Variants in MROH1 observed in about 807,000 individuals in gnomAD.
MROH1 encodes maestro heat-like repeat-containing protein family member 1.
MROH1 carries 117 observed loss-of-function variants against 116.5 expected under a neutral mutation model. The ratio of observed to expected loss-of-function variants is 1.00; its 90% confidence interval spans 0.86 to 1.17. MROH1 has a LOEUF of 1.17. Among genes scored for constraint, MROH1 ranks in the 50% most tolerant of loss-of-function variants. MROH1 has a pLI of 0.00. For synonymous variants in MROH1, 921 were observed against 583.9 expected (o/e 1.58, Z -8.32); for missense variants, 1,873 against 1,338.5 (o/e 1.40, Z -6.23).
intron 1 of MROH1, among the ~76,000 whole-genome samples, chr8:144,159,211 A>G (rs1818894865): frequency 6.6e-6 from 1 of 152,170 alleles, no homozygotes; most frequent in Non-Finnish European, 1.5e-5. Context: ...TACAAAAATT[A>G]GCCAGGTATG....
chr8:144,220,395 C>A (rs1836458267), intron 12 of MROH1, among the ~76,000 whole-genome samples: 1 of 152,210 alleles, frequency 6.6e-6, no homozygotes, highest in Middle Eastern at 3.2e-3. Flanking sequence ...AAACTACCAG[C>A]CACTTAGCTT....
At chr8:144,237,503 T>C (rs1467685148) in intron 14 of MROH1, among the ~76,000 whole-genome samples, 5 of 152,226 alleles carry the variant, frequency 3.3e-5, no homozygotes, top group Non-Finnish European at 7.3e-5. Context: ...CTTGAGTATT[T>C]CTTGCCCCTG....
At chr8:144,258,596 G>C (rs1174172474) in intron 35 of MROH1, among the ~76,000 whole-genome samples, 181 bp from the exon 36 acceptor site, 1 of 152,206 alleles carries the variant, frequency 6.6e-6, no homozygotes, top group Non-Finnish European at 1.5e-5. Context: ...CCTTGCCTTG[G>C]GTGGGGAAAT....
intron 3 of MROH1, among the ~76,000 whole-genome samples, chr8:144,164,145 C>T (rs1820210853): frequency 6.7e-6 from 1 of 150,302 alleles, no homozygotes; most frequent in Non-Finnish European, 1.5e-5. Context: ...TGGCTCACGC[C>T]TGTAATCCCA....
intron 4 of MROH1, among the ~76,000 whole-genome samples, chr8:144,172,539 G>A (rs1292571856): frequency 1.3e-5 from 2 of 151,876 alleles, no homozygotes; most frequent in Non-Finnish European, 2.9e-5. Flanking sequence ...AGCCTCCTGA[G>A]TAGCTGGGAT....
intron 29 of MROH1, 90 bp downstream of exon 29, chr8:144,245,350 C>T (rs1337473540): frequency 8.1e-6 from 6 of 736,922 alleles, no homozygotes; most frequent in East Asian, 2.5e-5. Flanking sequence ...CTCTGGCCGC[C>T]GCCCCAGCTC....
At chr8:144,151,585 G>C (rs1816803191) in intron 1 of MROH1, among the ~76,000 whole-genome samples, 1 of 152,172 alleles carries the variant, frequency 6.6e-6, no homozygotes, top group Non-Finnish European at 1.5e-5. Context: ...GCCCAGGTGT[G>C]ATCCGACTCT....
At position 144,249,518 on chromosome 8, in the gene MROH1, C is replaced by T. The variant is rs962493532; in HGVS notation, c.3273+489C>T. Reference sequence around the variant, plus strand: ...GAGGGTGGAGAGGAGACTCCCAGGCCAATACCCATCATGAGCAGGGAGCCC... The same window carrying T: ...GAGGGTGGAGAGGAGACTCCCAGGCTAATACCCATCATGAGCAGGGAGCCC... On this transcript the variant is annotated intron_variant, in intron 32 of 43. Coordinates refer to ENST00000326134, the MANE Select transcript of MROH1 (RefSeq NM_032450.3). Among the ~76,000 whole-genome samples, 11 of 152,226 alleles carry T rather than the reference C, an allele frequency of 7.2e-5. No homozygotes were observed. The East Asian group carries it at 2.1e-3, about 29-fold the overall frequency.
At chr8:144,227,530 A>G (rs555115341) in intron 14 of MROH1, among the ~76,000 whole-genome samples, 1 of 152,318 alleles carries the variant, frequency 6.6e-6, no homozygotes, top group South Asian at 2.1e-4. Flanking sequence ...CTGTAGTCCC[A>G]GCTACTCTGG....
chr8:144,213,181 C>T (rs991090697), intron 12 of MROH1: 46 of 728,034 alleles, frequency 6.3e-5, no homozygotes, highest in South Asian at 3.9e-4. Context: ...GTTGGTTCTG[C>T]GGGCGACTGC....
intron 12 of MROH1, 27 bp downstream of exon 12, chr8:144,200,568 G>T (rs191002956): frequency 2.0e-6 from 3 of 1,465,554 alleles, no homozygotes; most frequent in Non-Finnish European, 2.8e-6. Context: ...TAGCCTGGCC[G>T]CCACCCCTGG....
rs1440722267 is a variant in MROH1, at chr8:144,249,850, G to T, written c.3274-362G>T. ...TGTGGGTCCTGCCTCCGGTGGGCCT[G>T]CCAGGGGAGCCTGAGAGTTGCACCC... is the stretch of plus-strand genomic sequence containing the variant. On this transcript the variant is annotated intron_variant, in intron 32 of 43. Transcript: ENST00000326134. Among the ~76,000 whole-genome samples the T allele has an allele frequency of 2.0e-5, 3 of 152,280 alleles. No homozygotes were observed. In the East Asian group the frequency reaches 5.8e-4, roughly 29 times the overall value.
intron 11 of MROH1, among the ~76,000 whole-genome samples, chr8:144,199,991 G>A (rs756799142): frequency 5.3e-5 from 8 of 152,324 alleles, no homozygotes; most frequent in African/African-American, 1.2e-4. Flanking sequence ...TGCTGCAGTC[G>A]TTGCCAGAGG....
intron 33 of MROH1, among the ~76,000 whole-genome samples, chr8:144,252,952 G>A (rs1250458338): frequency 5.4e-5 from 8 of 146,878 alleles, no homozygotes; most frequent in African/African-American, 2.0e-4. Context: ...GCGAAACTCC[G>A]TCTCAAAAAA....
chr8:144,222,914 A>T (rs1352433831), intron 13 of MROH1, among the ~76,000 whole-genome samples, 194 bp from the exon 14 acceptor site: 1 of 151,548 alleles, frequency 6.6e-6, no homozygotes, highest in African/African-American at 2.4e-5. Flanking sequence ...ACAGATGTGG[A>T]GGTAGGTCCA....
At position 144,240,083 on chromosome 8, in the gene MROH1, G is replaced by A; in HGVS notation, c.1775-18G>A. The A allele has an allele frequency of 1.3e-6, 1 of 773,602 alleles. No homozygotes were observed. The highest frequency in any genetic ancestry group is 2.3e-4 in the Middle Eastern group (1 of 4,400). 47.9% of individuals were successfully genotyped at this position (773,602 alleles called of 1,614,324 possible). On this transcript the variant is annotated intron_variant, in intron 18 of 43. Transcript: ENST00000326134. The stretch of plus-strand genomic sequence containing the variant: ...GGTGCGTTTTGGGATGGGCTGGCCT[G>A]CGCGGCTGTCGTTTCAGAGCACACA...
intron 12 of MROH1, among the ~76,000 whole-genome samples, chr8:144,211,528 A>G (rs1454904962): frequency 2.0e-5 from 3 of 152,072 alleles, no homozygotes; most frequent in Non-Finnish European, 4.4e-5. Flanking sequence ...GTTCAAGACC[A>G]GCCTGACCAA....
intron 12 of MROH1, among the ~76,000 whole-genome samples, chr8:144,208,012 C>T (rs1227826980): frequency 6.7e-6 from 1 of 150,180 alleles, no homozygotes; most frequent in Non-Finnish European, 1.5e-5. Flanking sequence ...GTGGTGCGAT[C>T]TCAGCTCGCT....
chr8:144,197,175 A>C lies in MROH1; in HGVS notation c.949-1947A>C, dbSNP rs993745268. 2.0e-5 allele frequency among the ~76,000 whole-genome samples: 3 copies of C among 152,204 alleles called. No homozygotes were observed. In the East Asian group the frequency reaches 5.8e-4, roughly 29 times the overall value. On this transcript the variant is annotated intron_variant, in intron 10 of 43. Coordinates refer to ENST00000326134, the MANE Select transcript of MROH1 (RefSeq NM_032450.3). ...GAGAGCAGCTCAGGGGGTCGCTCCAACTCAGGGTCCCTTGTTAGTTTACAC... is the reference window on the plus strand; with the variant it reads ...GAGAGCAGCTCAGGGGGTCGCTCCACCTCAGGGTCCCTTGTTAGTTTACAC...
Sources: gnomAD v4.1 joint callset for allele counts (sites outside exome capture counted in the v4.1 genomes callset) on GRCh38, gnomAD v4.1.1 for gene constraint, MANE v1.5 for transcripts, NCBI Gene and HGNC (gene_info 2026-07-23, HGNC 2026-07-21) for gene names.